Variants in TNFRSF21 observed in about 807,000 individuals in gnomAD.
TNFRSF21 encodes tumor necrosis factor receptor superfamily member 21.
TNFRSF21 carries 19 observed loss-of-function variants against 45.6 expected under a neutral mutation model. That is an observed-to-expected ratio of 0.42 (90% confidence interval 0.29 to 0.61). The LOEUF (loss-of-function observed/expected upper bound fraction) is 0.61, where lower values mean the gene tolerates loss of function less well. Ranked by LOEUF, TNFRSF21 falls within the 20% of genes least tolerant of loss-of-function variation. The pLI is 0.23. For missense variants in TNFRSF21, 737 were observed against 851.5 expected, an observed-to-expected ratio of 0.87 and a Z score of 1.67; for synonymous variants, 314 against 335.5, an observed-to-expected ratio of 0.94 and a Z score of 0.70.
chr6:47,294,287 G>A (rs554012296), intron 1 of TNFRSF21, among the ~76,000 whole-genome samples: 16 of 152,250 alleles, frequency 1.1e-4, no homozygotes, highest in Non-Finnish European at 8.8e-5. Context: ...GGGACTACAG[G>A]GGCACGCCAC....
At chr6:47,255,341 T>G (rs16875820) in intron 3 of TNFRSF21, among the ~76,000 whole-genome samples, 1 of 152,184 alleles carries the variant, frequency 6.6e-6, no homozygotes, top group African/African-American at 2.4e-5. Context: ...CTCTCTGCAA[T>G]TACACATTGG....
At chr6:47,257,642 G>T (rs1239279604) in intron 3 of TNFRSF21, among the ~76,000 whole-genome samples, 1 of 152,168 alleles carries the variant, frequency 6.6e-6, no homozygotes, top group Admixed American at 6.5e-5. Context: ...TTGGGGAGGG[G>T]GAAGGAGCAC....
intron 4 of TNFRSF21, among the ~76,000 whole-genome samples, chr6:47,240,754 T>C (rs1332750232): frequency 6.6e-6 from 1 of 152,208 alleles, no homozygotes; most frequent in African/African-American, 2.4e-5. Flanking sequence ...ACACTCCAGC[T>C]GGATGACTGC....
chr6:47,282,246 A>G (rs1360484610), intron 3 of TNFRSF21, among the ~76,000 whole-genome samples: 2 of 152,018 alleles, frequency 1.3e-5, no homozygotes, highest in African/African-American at 4.8e-5. Flanking sequence ...TTAGCTGGGC[A>G]TGGTGGTACA....
intron 4 of TNFRSF21, among the ~76,000 whole-genome samples, chr6:47,237,108 G>A (rs1391117398): frequency 6.6e-6 from 1 of 152,128 alleles, no homozygotes; most frequent in Admixed American, 6.5e-5. Context: ...ATATGAAAAT[G>A]CCCCTACAAA....
intron 3 of TNFRSF21, among the ~76,000 whole-genome samples, chr6:47,276,690 T>C (rs193010581): frequency 6.6e-6 from 1 of 152,350 alleles, no homozygotes; most frequent in East Asian, 1.9e-4. Context: ...AGTTGCAGCC[T>C]ATAATCCTAA....
At chr6:47,270,169 G>A (rs182014965) in intron 3 of TNFRSF21, among the ~76,000 whole-genome samples, 22 of 152,262 alleles carry the variant, frequency 1.4e-4, no homozygotes, top group African/African-American at 5.3e-4. Context: ...GCTCTGAGAA[G>A]GGACAGACTG....
chr6:47,275,878 A>G (rs1467855086), intron 3 of TNFRSF21, among the ~76,000 whole-genome samples: 1 of 152,072 alleles, frequency 6.6e-6, no homozygotes, highest in African/African-American at 2.4e-5. Flanking sequence ...CTTCCCTCTG[A>G]CTGGCAGCGC....
intron 3 of TNFRSF21, among the ~76,000 whole-genome samples, chr6:47,261,527 G>A (rs925404706): frequency 2.6e-5 from 4 of 152,154 alleles, no homozygotes; most frequent in Non-Finnish European, 5.9e-5. Context: ...CTAGCCTTGT[G>A]GCCCTGCCAG....
chr6:47,295,391 T>A (rs968093745), intron 1 of TNFRSF21, among the ~76,000 whole-genome samples: 4 of 152,192 alleles, frequency 2.6e-5, no homozygotes. Context: ...AAGGCGGAAA[T>A]AAACTTTTTT....
chr6:47,262,530 A>T (rs928040839), intron 3 of TNFRSF21, among the ~76,000 whole-genome samples: 4 of 152,240 alleles, frequency 2.6e-5, no homozygotes, highest in Admixed American at 2.6e-4. Context: ...GAAGTAATAA[A>T]ACATAAACTG....
At chr6:47,301,869 C>T (rs1412750422) in intron 1 of TNFRSF21, among the ~76,000 whole-genome samples, 1 of 152,156 alleles carries the variant, frequency 6.6e-6, no homozygotes, top group Non-Finnish European at 1.5e-5. Context: ...TCCTTTATAG[C>T]ATCGCAAAAC....
chr6:47,233,641 A>G (rs1349262441), intron 5 of TNFRSF21, among the ~76,000 whole-genome samples: 2 of 149,494 alleles, frequency 1.3e-5, no homozygotes, highest in Non-Finnish European at 3.0e-5. Flanking sequence ...TCTAAAATAT[A>G]TTATATAACA....
chr6:47,281,960 GC>G (rs1365574674), intron 3 of TNFRSF21, among the ~76,000 whole-genome samples: 2 of 151,984 alleles, frequency 1.3e-5, no homozygotes, highest in African/African-American at 4.8e-5. Context: ...GTTTGCCTCT[GC>G]CCGACTTTCA....
chr6:47,267,986 A>T (rs1762359992), intron 3 of TNFRSF21, among the ~76,000 whole-genome samples: 1 of 152,176 alleles, frequency 6.6e-6, no homozygotes, highest in Non-Finnish European at 1.5e-5. Context: ...AATTGAGGAG[A>T]AATATGTTGC....
intron 3 of TNFRSF21, among the ~76,000 whole-genome samples, chr6:47,253,947 C>T (rs1367067609): frequency 6.6e-6 from 1 of 152,168 alleles, no homozygotes; most frequent in South Asian, 2.1e-4. Flanking sequence ...GCATGAATTT[C>T]TTTTTCCTTC....
chr6:47,268,557 G>A (rs531930949), intron 3 of TNFRSF21, among the ~76,000 whole-genome samples: 1 of 152,314 alleles, frequency 6.6e-6, no homozygotes, highest in African/African-American at 2.4e-5. Context: ...CATTTGTGTT[G>A]AAAGATTTTA....
intron 1 of TNFRSF21, among the ~76,000 whole-genome samples, chr6:47,305,034 T>C (rs1762919572): frequency 6.6e-6 from 1 of 152,218 alleles, no homozygotes; most frequent in Non-Finnish European, 1.5e-5. Context: ...GAAAGTCTTT[T>C]TTTTCTCTTA....
At chr6:47,279,228 AG>A (rs1213903444) in intron 3 of TNFRSF21, among the ~76,000 whole-genome samples, 1 of 152,172 alleles carries the variant, frequency 6.6e-6, no homozygotes, top group Non-Finnish European at 1.5e-5. Context: ...TTAAAGAGGG[AG>A]GAAGAATGGG....
Sources: gnomAD v4.1 joint callset for allele counts (sites outside exome capture counted in the v4.1 genomes callset) on GRCh38, gnomAD v4.1.1 for gene constraint, MANE v1.5 for transcripts, NCBI Gene and HGNC (gene_info 2026-07-23, HGNC 2026-07-21) for gene names.